Variants in BAZ2B observed in about 807,000 individuals in gnomAD.
BAZ2B encodes the protein bromodomain adjacent to zinc finger domain protein 2B.
In BAZ2B, 91 loss-of-function variants were observed where a neutral mutation model predicts 246.0. The observed-to-expected ratio is 0.37, with a 90% CI of 0.31 to 0.44. The LOEUF (loss-of-function observed/expected upper bound fraction) is 0.44, where lower values mean the gene tolerates loss of function less well. Ranked by LOEUF, BAZ2B falls within the 20% of genes least tolerant of loss-of-function variation. BAZ2B has a pLI of 1.00. For synonymous variants in BAZ2B, 855 were observed against 860.0 expected, an observed-to-expected ratio of 0.99 and a Z score of 0.10; for missense variants, 2,332 against 2,533.7, an observed-to-expected ratio of 0.92 and a Z score of 1.71.
At chr2:159,468,228 A>G (rs1190041834) in intron 3 of BAZ2B, among the ~76,000 whole-genome samples, 1 of 152,182 alleles carries the variant, frequency 6.6e-6, no homozygotes, top group Non-Finnish European at 1.5e-5. Flanking sequence ...TGATTATCTC[A>G]GGCGGCAGGA....
At chr2:159,385,117 A>C in intron 23 of BAZ2B, 38 bp downstream of exon 23, 1 of 1,559,904 alleles carries the variant, frequency 6.4e-7, no homozygotes, top group Non-Finnish European at 8.8e-7. Context: ...AAAAATTCAA[A>C]ATGGAAAAAT....
At chr2:159,635,903 A>C in the BAZ2B span, among the ~76,000 whole-genome samples, 1 of 152,176 alleles carries the variant, frequency 6.6e-6, no homozygotes, top group African/African-American at 2.4e-5. Flanking sequence ...TAAAAAATTA[A>C]GAAAATAGCC....
At chr2:159,499,046 A>G (rs989478505) in intron 2 of BAZ2B, among the ~76,000 whole-genome samples, 2 of 151,998 alleles carry the variant, frequency 1.3e-5, no homozygotes, top group Non-Finnish European at 2.9e-5. Flanking sequence ...TCAGGGGTAC[A>G]GGTACAGGAT....
upstream of BAZ2B, chr2:159,616,889 T>C (rs1696159978): frequency 6.6e-6 from 1 of 152,064 alleles, no homozygotes; most frequent in African/African-American, 2.4e-5. Context: ...TCCACCTAAA[T>C]TTTTTTTGTT....
chr2:159,704,618 G>C, the BAZ2B span, among the ~76,000 whole-genome samples: 21 of 151,828 alleles, frequency 1.4e-4, no homozygotes. Context: ...GAGTAGCTGA[G>C]ATTACAGGTG....
At chr2:159,513,364 T>C (rs2083119611) in intron 2 of BAZ2B, among the ~76,000 whole-genome samples, 1 of 152,210 alleles carries the variant, frequency 6.6e-6, no homozygotes, top group South Asian at 2.1e-4. Flanking sequence ...CAAATTTCAC[T>C]ATAAACTACC....
intron 2 of BAZ2B, among the ~76,000 whole-genome samples, chr2:159,540,831 A>G (rs1352537766): frequency 6.6e-6 from 1 of 152,224 alleles, no homozygotes. Flanking sequence ...AATCATAAGA[A>G]TAGATCAAAC....
Position 159,446,860 on chromosome 2 carries a change from A to G in BAZ2B, c.618T>C (p.Gly206=). ...CCTGATTACATTTTCGATTTCCTCC[A>G]CCTGAGCTTGTACTTTTAGTTTGTC... ...SMGQTKSTSS[G]GGNRKCNQEQ... is the part of the protein sequence containing the mutation. Residue 206 remains glycine (G), a synonymous_variant, in exon 6 of 37, where the codon GGT becomes GGC. Coordinates refer to ENST00000392783, the MANE Select transcript of BAZ2B (RefSeq NM_013450.4). The G allele has an allele frequency of 6.2e-7, 1 of 1,613,652 alleles. No individual in the cohort carries two copies. The highest frequency in any genetic ancestry group is 8.5e-7 in the Non-Finnish European group (1 of 1,179,790).
Position 159,439,068 on chromosome 2 carries a change from C to T in BAZ2B, c.841G>A (p.Glu281Lys). 1 of 1,613,840 alleles carries T rather than the reference C, an allele frequency of 6.2e-7. No individual in the cohort carries two copies. Among genetic ancestry groups the T allele is most frequent in the Non-Finnish European group, 8.5e-7 (1 of 1,179,930 alleles). The change falls in exon 7 of 37, where the codon GAA (glutamate) becomes AAA (lysine). Residue 281 changes from glutamate (E) to lysine (K), a missense_variant. Physicochemically the swap from Glu to Lys is moderately conservative, Grantham distance 56 (BLOSUM62 1). This residue lies in a region of BAZ2B where 161 missense variants were observed against 225.8 expected (regional missense o/e 0.71). Transcript: ENST00000392783. ...DEEEEDQSIE[E>K]SEDDDSDSES... is the part of the protein sequence containing the mutation. ...GAATCAGAATCATCATCTTCACTTT[C>T]TTCAATACTTTGATCTTCTTCTTCT... is the stretch of plus-strand genomic sequence containing the variant.
intron 1 of BAZ2B, among the ~76,000 whole-genome samples, chr2:159,601,417 C>T (rs980774695): frequency 5.0e-5 from 6 of 119,770 alleles, no homozygotes; most frequent in African/African-American, 1.8e-4. Flanking sequence ...GAGTGATACC[C>T]TGTCTCAAAA....
At chr2:159,480,408 A>G (rs561196459) in intron 2 of BAZ2B, among the ~76,000 whole-genome samples, 4 of 152,264 alleles carry the variant, frequency 2.6e-5, no homozygotes, top group Non-Finnish European at 5.9e-5. Flanking sequence ...TATGCTATGA[A>G]GTATAGGTAT....
intron 1 of BAZ2B, among the ~76,000 whole-genome samples, chr2:159,587,154 C>A (rs967153698): frequency 1.3e-5 from 2 of 151,836 alleles, no homozygotes. Context: ...TCTCGGCTCA[C>A]TGCAAGCTCC....
At chr2:159,558,267 A>AT (rs1450885485) in intron 1 of BAZ2B, among the ~76,000 whole-genome samples, 1 of 151,784 alleles carries the variant, frequency 6.6e-6, no homozygotes, top group African/African-American at 2.4e-5. Context: ...TTATTTATTT[A>AT]TTTTTTGAGA....
chr2:159,487,917 A>G (rs974385099), intron 2 of BAZ2B, among the ~76,000 whole-genome samples: 3 of 152,134 alleles, frequency 2.0e-5, no homozygotes, highest in African/African-American at 7.2e-5. Flanking sequence ...TATTTGAAAG[A>G]ATAATCAAGA....
At chr2:159,410,702 C>A (rs2066696735) in intron 14 of BAZ2B, among the ~76,000 whole-genome samples, 1 of 152,164 alleles carries the variant, frequency 6.6e-6, no homozygotes, top group Non-Finnish European at 1.5e-5. Context: ...ATGATAACTG[C>A]TAGGCAGTTA....
chr2:159,690,338 C>A, the BAZ2B span: 1 of 186,340 alleles, frequency 5.4e-6, no homozygotes, highest in South Asian at 1.0e-4. Flanking sequence ...CTCATAGAGC[C>A]AAAAGGCCAT....
chr2:159,499,657 T>C (rs111981514), intron 2 of BAZ2B, among the ~76,000 whole-genome samples: 1,545 of 152,258 alleles, frequency 0.01, 32 homozygotes, highest in African/African-American at 0.034. Flanking sequence ...AAAGCATTCC[T>C]TTTCCCCTGC....
At chr2:159,603,319 A>T (rs1478125581) in intron 1 of BAZ2B, among the ~76,000 whole-genome samples, 3 of 152,214 alleles carry the variant, frequency 2.0e-5, no homozygotes, top group Non-Finnish European at 4.4e-5. Flanking sequence ...CATACATTTT[A>T]AAAATGGAAA....
At chr2:159,558,546 C>T (rs1304668449) in intron 1 of BAZ2B, among the ~76,000 whole-genome samples, 1 of 152,010 alleles carries the variant, frequency 6.6e-6, no homozygotes. Flanking sequence ...AGGCGTGAGC[C>T]ACTGTGCCCG....
Sources: gnomAD v4.1 joint callset for allele counts (sites outside exome capture counted in the v4.1 genomes callset) on GRCh38, gnomAD v4.1.1 for gene constraint, gnomAD v4.1.1 regional missense constraint, MANE v1.5 for transcripts, NCBI Gene and HGNC (gene_info 2026-07-23, HGNC 2026-07-21) for gene names.